VPS13D: variants seen among roughly 807,000 people sequenced by gnomAD.
VPS13D encodes vacuolar protein sorting 13 homolog D.
VPS13D carries 187 observed loss-of-function variants against 461.9 expected under a neutral mutation model. The ratio of observed to expected loss-of-function variants is 0.40; its 90% CI spans 0.36 to 0.46. The LOEUF (loss-of-function observed/expected upper bound fraction) is 0.46, where lower values mean the gene tolerates loss of function less well. Ranked by LOEUF, VPS13D falls within the 20% of genes least tolerant of loss-of-function variation. The pLI is 0.60. For synonymous variants in VPS13D, 1,951 were observed against 1,986.3 expected (o/e 0.98, Z 0.47); for missense variants, 4,711 against 5,364.9 (o/e 0.88, Z 3.81).
At chr1:12,256,835 C>T in intron 8 of VPS13D, 152 bp from the exon 9 acceptor site, 1 of 714,730 alleles carries the variant, frequency 1.4e-6, no homozygotes, top group Non-Finnish European at 2.3e-6. Context: ...AGAAACATGT[C>T]ACTTGATGCT....
chr1:12,398,591 A>T (rs928274935), intron 60 of VPS13D, among the ~76,000 whole-genome samples: 6 of 152,134 alleles, frequency 3.9e-5, no homozygotes, highest in African/African-American at 1.4e-4. Context: ...CTTCGATGTG[A>T]GACAGAACAG....
chr1:12,257,008 G>C lies in VPS13D; in HGVS notation c.862G>C (p.Glu288Gln), dbSNP rs1335109839. ...LSQLQYRQIMEFLKELERKER... is the reference protein window; with the variant it reads ...LSQLQYRQIMQFLKELERKER... ...AAAGCTGCAATACCGGCAAATCATG[G>C]AATTCCTCAAGGAGCTGGAACGAAA... The change falls in exon 9 of 70, where the codon GAA becomes CAA. Residue 288 changes from glutamate (E) to glutamine (Q), a missense_variant. Around this residue, in one of 3 missense-constraint regions of VPS13D, gnomAD observed 4,411 missense variants for 4,937.8 expected, o/e 0.89. Coordinates refer to ENST00000620676, the MANE Select transcript of VPS13D (RefSeq NM_015378.4). 1 of 1,614,114 alleles carries C rather than the reference G, an allele frequency of 6.2e-7. No homozygotes were observed. Among genetic ancestry groups the C allele is most frequent in the Non-Finnish European group, 8.5e-7 (1 of 1,180,026 alleles).
At chr1:12,318,582 C>G (rs544024245) in intron 31 of VPS13D, among the ~76,000 whole-genome samples, 1 of 152,130 alleles carries the variant, frequency 6.6e-6, no homozygotes, top group Non-Finnish European at 1.5e-5. Context: ...GTGTCTGGCC[C>G]GAGCACCCGC....
intron 65 of VPS13D, among the ~76,000 whole-genome samples, chr1:12,421,448 T>C (rs1644862375): frequency 6.6e-6 from 1 of 152,254 alleles, no homozygotes; most frequent in Non-Finnish European, 1.5e-5. Context: ...TTGTGTGTCA[T>C]GTGAAGAATA....
At chr1:12,308,744 G>A in intron 27 of VPS13D, 103 bp downstream of exon 27, 2 of 1,078,668 alleles carry the variant, frequency 1.9e-6, no homozygotes, top group Non-Finnish European at 2.7e-6. Flanking sequence ...CCACCTCTGA[G>A]GTTCAAGTGA....
chr1:12,365,188 T>C (rs1644016853), intron 52 of VPS13D, among the ~76,000 whole-genome samples: 1 of 152,206 alleles, frequency 6.6e-6, no homozygotes, highest in South Asian at 2.1e-4. Flanking sequence ...AATAAGGAAA[T>C]GTGAGACCTC....
At chr1:12,351,790 C>T (rs1423165215) in intron 46 of VPS13D, among the ~76,000 whole-genome samples, 1 of 147,454 alleles carries the variant, frequency 6.8e-6, no homozygotes, top group East Asian at 2.1e-4. Context: ...TGGGGTTTCA[C>T]CATGTTGGCC....
At chr1:12,342,436 A>G (rs753596154) in intron 41 of VPS13D, among the ~76,000 whole-genome samples, 2 of 152,192 alleles carry the variant, frequency 1.3e-5, no homozygotes, top group Non-Finnish European at 2.9e-5. Flanking sequence ...CAGCCTTCCA[A>G]GTACATGGTG....
rs201075639 is a variant in VPS13D at position 12,267,905 on chromosome 1, A to C, written c.1786A>C (p.Ser596Arg). The change falls in exon 15 of 70, where the codon AGT (serine) becomes CGT (arginine). Residue 596 changes from serine to arginine, a missense_variant. Physicochemically the swap from Ser to Arg is moderately radical, Grantham distance 110. Transcript: ENST00000620676. Reference sequence around the variant, plus strand: ...TCTACAAACTACATCTGCAGACAGAAGTGATCATTACCCAGGTAATTTGTC... The same window carrying C: ...TCTACAAACTACATCTGCAGACAGACGTGATCATTACCCAGGTAATTTGTC... ...FGLQTTSADR[S>R]DHYPAADPDG... 7 of 1,613,960 alleles carry C rather than the reference A, an allele frequency of 4.3e-6. No homozygotes were observed. The highest frequency in any genetic ancestry group is 5.1e-6 in the Non-Finnish European group (6 of 1,179,894).
At chr1:12,440,196 C>T (rs1645112212) in intron 65 of VPS13D, among the ~76,000 whole-genome samples, 1 of 152,206 alleles carries the variant, frequency 6.6e-6, no homozygotes, top group Admixed American at 6.5e-5. Context: ...ATATGTTTGC[C>T]ATATTTCCAG....
At chr1:12,348,263 G>T (rs1643719322) in intron 44 of VPS13D, among the ~76,000 whole-genome samples, 1 of 152,154 alleles carries the variant, frequency 6.6e-6, no homozygotes, top group Admixed American at 6.5e-5. Flanking sequence ...CCATTGTTTG[G>T]ATATTAATCT....
rs376930731 is a variant in VPS13D, at chr1:12,253,750, T to C, written c.593T>C (p.Leu198Ser). ...CAGAAACTAATGCGGAAAAAGCAATTAGACGTAGCAGAATTTAGCATCTAT... is the reference window on the plus strand; with the variant it reads ...CAGAAACTAATGCGGAAAAAGCAATCAGACGTAGCAGAATTTAGCATCTAT... ...PVQKLMRKKQ[L>S]DVAEFSIYWD... Residue 198 changes from leucine to serine, a missense_variant, in exon 7 of 70, where the codon TTA becomes TCA. Physicochemically the swap from Leu to Ser is moderately radical, Grantham distance 145. Around this residue, in one of 3 missense-constraint regions of VPS13D, gnomAD observed 4,411 missense variants for 4,937.8 expected, o/e 0.89. Transcript: ENST00000620676. The C allele has an allele frequency of 6.2e-6, 10 of 1,614,032 alleles. No individual in the cohort carries two copies. Among genetic ancestry groups the C allele is most frequent in the Admixed American group, 1.7e-5 (1 of 60,006 alleles).
At position 12,277,882 on chromosome 1, in the gene VPS13D, T is replaced by C. The variant is rs753470639; in HGVS notation, c.4294T>C (p.Tyr1432His). The change falls in exon 19 of 70, where the codon TAT becomes CAT. Residue 1432 changes from tyrosine to histidine, a missense_variant. This residue lies in a region of VPS13D where 4,411 missense variants were observed against 4,937.8 expected (regional missense o/e 0.89). Transcript: ENST00000620676. The part of the protein sequence containing the change: ...LQVEIKDIKL[Y>H]SLNCTQLAGR... ...GGTGGAAATCAAGGACATTAAACTG[T>C]ATTCTTTGAATTGCACCCAGTTGGC... The C allele has an allele frequency of 6.2e-7, 1 of 1,614,200 alleles. No homozygotes were observed. The highest frequency in any genetic ancestry group is 1.1e-5 in the South Asian group (1 of 91,084).
chr1:12,232,637 CTT>C (rs772757546), intron 1 of VPS13D, among the ~76,000 whole-genome samples: 174 of 71,010 alleles, frequency 2.5e-3, no homozygotes, highest in African/African-American at 8.6e-3. Context: ...TAAAATTAGT[CTT>C]TTTTTTTTTT....
intron 60 of VPS13D, among the ~76,000 whole-genome samples, chr1:12,392,464 A>G (rs1644439737): frequency 6.6e-6 from 1 of 150,970 alleles, no homozygotes; most frequent in African/African-American, 2.4e-5. Context: ...GGGCAACAAG[A>G]GCAAGACTCT....
At chr1:12,355,594 A>G (rs757613965) in intron 47 of VPS13D, among the ~76,000 whole-genome samples, 16 of 151,918 alleles carry the variant, frequency 1.1e-4, no homozygotes, top group Non-Finnish European at 2.2e-4. Flanking sequence ...TTTTTTTGAG[A>G]TGGAGTCTCA....
At chr1:12,433,823 A>G (rs1030948598) in intron 65 of VPS13D, among the ~76,000 whole-genome samples, 2 of 152,020 alleles carry the variant, frequency 1.3e-5, no homozygotes, top group Non-Finnish European at 2.9e-5. Flanking sequence ...TGCCTGGCCA[A>G]CAGGCTGGTG....
intron 67 of VPS13D, among the ~76,000 whole-genome samples, chr1:12,484,162 A>C (rs944350790): frequency 6.6e-6 from 1 of 152,172 alleles, no homozygotes; most frequent in Non-Finnish European, 1.5e-5. Flanking sequence ...GATGCTGTAC[A>C]TCCTTGTATT....
At position 12,510,343 on chromosome 1, in the gene VPS13D, A is replaced by G. The variant is rs940311944; in HGVS notation, c.*1319A>G. On this transcript the variant is annotated 3_prime_UTR_variant, in exon 70 of 70. Transcript: ENST00000620676. ...TTGTGATTTTTAAATTTTTATTTTA[A>G]TAAAGCTAATCAATTTCTACAACCT... 6.6e-6 allele frequency: 1 copy of G among 152,224 alleles called. No individual in the cohort carries two copies. Among genetic ancestry groups the G allele is most frequent in the African/African-American group, 2.4e-5 (1 of 41,462 alleles). The allele number at this position is 152,224 out of a possible 1,614,324, so 9.4% of individuals were successfully genotyped here. A position where few individuals can be genotyped will look rare whatever the true frequency, so the allele number is the denominator to read the frequency against.
Sources: gnomAD v4.1 joint callset for allele counts (sites outside exome capture counted in the v4.1 genomes callset) on GRCh38, gnomAD v4.1.1 for gene constraint, gnomAD v4.1.1 regional missense constraint, MANE v1.5 for transcripts, NCBI Gene and HGNC (gene_info 2026-07-23, HGNC 2026-07-21) for gene names.